The following MYO1F variants were observed in gnomAD, a reference collection of about 807,000 sequenced individuals.
The protein encoded by MYO1F is unconventional myosin-If.
In MYO1F, 60 loss-of-function variants were observed where a neutral mutation model predicts 146.6. That is an observed-to-expected ratio of 0.41 (90% CI 0.33 to 0.51). The LOEUF is 0.51. MYO1F is among the 20% of genes least tolerant of loss of function. The pLI is 0.25. For missense variants in MYO1F, 1,274 were observed against 1,534.3 expected, an observed-to-expected ratio of 0.83 and a Z score of 2.83; for synonymous variants, 602 against 602.1, an observed-to-expected ratio of 1.00 and a Z score of 0.00.
At chr19:8,528,406 T>TA (rs1428043084) in intron 21 of MYO1F, among the ~76,000 whole-genome samples, 3 of 151,830 alleles carry the variant, frequency 2.0e-5, no homozygotes, top group African/African-American at 7.3e-5. Flanking sequence ...CACATGCCTG[T>TA]AGTCCCAGCT....
At position 8,551,923 on chromosome 19, in the gene MYO1F, C is replaced by T. The variant is rs1315326473; in HGVS notation, c.637-49G>A. Reference sequence around the variant, plus strand: ...CATCTGGTGCTTGCCTGGCTCAGCCCCTGTGATCCCTCATCTGCCCTGCCA... The same window carrying T: ...CATCTGGTGCTTGCCTGGCTCAGCCTCTGTGATCCCTCATCTGCCCTGCCA... On this transcript the variant is annotated intron_variant, in intron 7 of 27. Transcript: ENST00000644032. 2.5e-6 allele frequency: 4 copies of T among 1,613,908 alleles called. No individual in the cohort carries two copies. The Admixed American group carries it at 5.0e-5, about 20-fold the overall frequency.
intron 25 of MYO1F, among the ~76,000 whole-genome samples, chr19:8,524,051 G>A (rs1456385641): frequency 1.4e-5 from 2 of 144,114 alleles, no homozygotes; most frequent in Non-Finnish European, 3.0e-5. Context: ...CCTGGGAGGT[G>A]GAGGTTACAG....
Position 8,540,114 on chromosome 19 carries a change from C to T in MYO1F, c.1611-86G>A, listed in dbSNP as rs60597817. 0.044 allele frequency: 44,846 copies of T among 1,015,362 alleles called. 2,767 individuals are homozygous for T. The highest frequency in any genetic ancestry group is 0.18 in the African/African-American group (10,972 of 61,744). The allele number at this position is 1,015,362 out of a possible 1,614,324, so 62.9% of individuals were successfully genotyped here. ...TCCAGGGGTGGGGCAGCCTCAATGC[C>T]GCAACGCAAAATATGGTTCTCTCAA... On this transcript the variant is annotated intron_variant, in intron 15 of 27. Transcript: ENST00000644032.
At chr19:8,555,142 AT>A (rs1435468636) in intron 2 of MYO1F, among the ~76,000 whole-genome samples, 1 of 151,540 alleles carries the variant, frequency 6.6e-6, no homozygotes, top group Non-Finnish European at 1.5e-5. Context: ...CTATCGTGCC[AT>A]TGCACTCCAG....
At chr19:8,527,766 C>G (rs1229476557) in intron 21 of MYO1F, among the ~76,000 whole-genome samples, 2 of 152,198 alleles carry the variant, frequency 1.3e-5, no homozygotes, top group Non-Finnish European at 2.9e-5. Context: ...GTGCGCACCA[C>G]CATGCCCAGC....
chr19:8,557,622 C>T (rs943987984), intron 1 of MYO1F, among the ~76,000 whole-genome samples: 1 of 152,084 alleles, frequency 6.6e-6, no homozygotes. Context: ...CTCCTTTGGT[C>T]TCTCTTTCCA....
chr19:8,527,239 CCAGGTAAGATTGT>C, intron 22 of MYO1F, 86 bp downstream of exon 22: 1 of 1,519,902 alleles, frequency 6.6e-7, no homozygotes, highest in Middle Eastern at 2.1e-4. Flanking sequence ...AGGCATGGCA[CCAGGTAAGATTGT>C]CAGGGTAACA....
chr19:8,526,220 G>A (rs1427982118), intron 24 of MYO1F, among the ~76,000 whole-genome samples: 3 of 152,154 alleles, frequency 2.0e-5, no homozygotes, highest in Non-Finnish European at 1.5e-5. Context: ...CCAGCTACTC[G>A]GGAGGCTGAG....
intron 19 of MYO1F, among the ~76,000 whole-genome samples, chr19:8,532,042 C>T (rs1465861469): frequency 6.6e-6 from 1 of 151,826 alleles, no homozygotes; most frequent in Non-Finnish European, 1.5e-5. Flanking sequence ...CGCTTGAACT[C>T]GGGAGGTGGT....
In MYO1F at chr19:8,568,645, C is replaced by T. The variant is rs553040361; in HGVS notation, c.3+8662G>A. ...TCCTCTTTGCAAGTGGATTTGGCCG[C>T]GCATGGTGGCTCACGCCTGTAATCC... is the stretch of plus-strand genomic sequence containing the variant. On this transcript the variant is annotated intron_variant, in intron 1 of 27. Transcript: ENST00000644032. Among the ~76,000 whole-genome samples, 251 of 151,568 alleles carry T rather than the reference C, an allele frequency of 1.7e-3. 1 individual carries two copies. The highest frequency in any genetic ancestry group is 6.8e-3 in the Middle Eastern group (2 of 292).
rs557781069 is a variant in MYO1F, at chr19:8,528,449, G to A, written c.2329-966C>T. Among the ~76,000 whole-genome samples, 16 of 150,406 alleles carry A rather than the reference G, an allele frequency of 1.1e-4. No individual in the cohort carries two copies. The East Asian group carries it at 2.8e-3, about 26-fold the overall frequency. ...AGGCTGAGGCAGGAGAATTGCTTGA[G>A]CCTGGGAGGCAGAGGTTGCAGTGAG... is the stretch of plus-strand genomic sequence containing the variant. On this transcript the variant is annotated intron_variant, in intron 21 of 27. Transcript: ENST00000644032.
rs1255625290 is a variant in MYO1F at position 8,553,400 on chromosome 19, A to T, written c.364T>A (p.Tyr122Asn). The T allele has an allele frequency of 5.6e-6, 9 of 1,614,038 alleles. No individual in the cohort carries two copies. The highest frequency in any genetic ancestry group is 7.6e-6 in the Non-Finnish European group (9 of 1,180,004). The change falls in exon 5 of 28, where the codon TAT (tyrosine) becomes AAT (asparagine). Residue 122 changes from tyrosine to asparagine, a missense_variant. By Grantham distance (143) the Tyr-to-Asn change is moderately radical. Transcript: ENST00000644032. ...ACCTTGGAGATGTAGCCCATGATATATTTGGCTGCCACTGTCTTCCCAGCT... is the reference window on the plus strand; with the variant it reads ...ACCTTGGAGATGTAGCCCATGATATTTTTGGCTGCCACTGTCTTCCCAGCT... Reference protein sequence around the residue: ...SGAGKTVAAKYIMGYISKVSG... With the variant: ...SGAGKTVAAKNIMGYISKVSG...
intron 12 of MYO1F, 61 bp from the exon 13 acceptor site, chr19:8,545,797 C>A (rs117536602): frequency 8.6e-7 from 1 of 1,157,628 alleles, no homozygotes; most frequent in Non-Finnish European, 1.3e-6. Flanking sequence ...ACCCTTCCCC[C>A]CATGTCCTCT....
intron 19 of MYO1F, among the ~76,000 whole-genome samples, chr19:8,535,721 C>G (rs970084323): frequency 6.6e-6 from 1 of 151,894 alleles, no homozygotes; most frequent in Non-Finnish European, 1.5e-5. Context: ...GCTCTGTCGC[C>G]CAGGCTGGAG....
chr19:8,538,730 G>C lies in MYO1F; in HGVS notation c.1692+1217C>G, dbSNP rs539711362. On this transcript the variant is annotated intron_variant, in intron 16 of 27. Coordinates refer to ENST00000644032, the MANE Select transcript of MYO1F (RefSeq NM_012335.4). ...AGCCTCCCAAGTAGCTGGGACCACA[G>C]GTGTGCACTACTATGCTTGGCTAAT... 7.9e-5 allele frequency among the ~76,000 whole-genome samples: 12 copies of C among 152,108 alleles called. No homozygotes were observed. The South Asian group carries it at 2.5e-3, about 32-fold the overall frequency.
intron 1 of MYO1F, among the ~76,000 whole-genome samples, chr19:8,568,312 C>A (rs1419531853): frequency 6.7e-6 from 1 of 148,804 alleles, no homozygotes; most frequent in East Asian, 2.1e-4. Context: ...AGTCCCAGCT[C>A]CTCGGGAGGC....
intron 1 of MYO1F, among the ~76,000 whole-genome samples, chr19:8,561,375 T>TCCCTTCC (rs1974099796): frequency 1.6e-5 from 1 of 62,122 alleles, no homozygotes; most frequent in Non-Finnish European, 3.1e-5. Flanking sequence ...CCTCCCTCCC[T>TCCCTTCC]CCCTTCCCCC....
At chr19:8,573,975 CA>C (rs1351054688) in intron 1 of MYO1F, among the ~76,000 whole-genome samples, 1 of 152,172 alleles carries the variant, frequency 6.6e-6, no homozygotes, top group Non-Finnish European at 1.5e-5. Context: ...ATTGAACCAG[CA>C]CCACCATTGC....
chr19:8,543,777 CTGG>C (rs1420582755), intron 14 of MYO1F, among the ~76,000 whole-genome samples: 2 of 10,856 alleles, frequency 1.8e-4, no homozygotes, highest in Non-Finnish European at 3.5e-4. Context: ...GCTGGTGGTG[CTGG>C]TGGTGCTGGT....
Sources: allele counts gnomAD v4.1 joint callset (sites outside exome capture counted in the v4.1 genomes callset), GRCh38; gene constraint gnomAD v4.1.1; transcripts MANE v1.5; gene names NCBI Gene and HGNC (gene_info 2026-07-23, HGNC 2026-07-21).